RAP1A: variants seen among roughly 807,000 people sequenced by gnomAD.
The protein encoded by RAP1A is ras-related protein Rap-1A.
In RAP1A, 6 loss-of-function variants were observed where a neutral mutation model predicts 26.4. That is an observed-to-expected ratio of 0.23 (90% CI 0.12 to 0.45). The LOEUF (loss-of-function observed/expected upper bound fraction) is 0.45, where lower values mean the gene tolerates loss of function less well. RAP1A is among the 20% of genes least tolerant of loss of function. The pLI is 0.99. For missense variants in RAP1A, 121 were observed against 217.2 expected (o/e 0.56, Z 2.78); for synonymous variants, 73 against 79.4 (o/e 0.92, Z 0.43).
At chr1:111,680,937 GA>G (rs1485895352) in intron 1 of RAP1A, among the ~76,000 whole-genome samples, 2 of 152,192 alleles carry the variant, frequency 1.3e-5, no homozygotes, top group Non-Finnish European at 2.9e-5. Flanking sequence ...TGAAGATGAG[GA>G]AAAACCAGCA....
chr1:111,599,764 TTGGA>T (rs1658633831), intron 1 of RAP1A: 1 of 152,134 alleles, frequency 6.6e-6, no homozygotes, highest in African/African-American at 2.4e-5. Flanking sequence ...CTGACATGGT[TTGGA>T]TGTTTGTCCC....
chr1:111,551,029 G>T (rs568133826), intron 1 of RAP1A, among the ~76,000 whole-genome samples: 1 of 152,090 alleles, frequency 6.6e-6, no homozygotes, highest in East Asian at 1.9e-4. Context: ...TGACACATTT[G>T]TCTGGTTTTA....
At chr1:111,560,663 T>C (rs2101046879) in intron 1 of RAP1A, among the ~76,000 whole-genome samples, 1 of 152,048 alleles carries the variant, frequency 6.6e-6, no homozygotes, top group Non-Finnish European at 1.5e-5. Flanking sequence ...TAATTTTTTT[T>C]CCATTTGTTG....
intron 1 of RAP1A, among the ~76,000 whole-genome samples, chr1:111,606,216 T>C (rs1658773770): frequency 6.6e-6 from 1 of 152,190 alleles, no homozygotes; most frequent in Non-Finnish European, 1.5e-5. Context: ...ATTTAACTTT[T>C]ATAGTCCTGG....
rs397981230 is a variant in RAP1A at position 111,555,362 on chromosome 1, TAAAAAAAAAAAA to T, written c.-28+12871_-28+12882del. Among the ~76,000 whole-genome samples, 11 of 47,640 alleles carry T rather than the reference TAAAAAAAAAAAA, an allele frequency of 2.3e-4. 1 individual carries two copies. Among genetic ancestry groups the T allele is most frequent in the Admixed American group, 1.3e-3 (4 of 3,084 alleles). 31.3% of individuals were successfully genotyped at this position (47,640 alleles called of 152,430 possible). Reference sequence around the variant, plus strand: ...GCCTGGGTGACAGACTGAGACTCTGTAAAAAAAAAAAAAAAAAAAAAAAAAAAAATTACCAGA... The same window carrying T: ...GCCTGGGTGACAGACTGAGACTCTGTAAAAAAAAAAAAAAAAATTACCAGA... On this transcript the variant is annotated intron_variant, in intron 1 of 7. Coordinates refer to the RAP1A transcript ENST00000356415.
chr1:111,660,009 A>T (rs1660581507), intron 1 of RAP1A, among the ~76,000 whole-genome samples: 1 of 152,226 alleles, frequency 6.6e-6, no homozygotes, highest in Admixed American at 6.5e-5. Flanking sequence ...TTAGATCGAT[A>T]AAGGATAAGA....
At chr1:111,697,602 T>C in intron 4 of RAP1A, 105 bp downstream of exon 4, 3 of 1,540,450 alleles carry the variant, frequency 1.9e-6, no homozygotes, top group Non-Finnish European at 2.6e-6. Context: ...GTAATCATTC[T>C]GATTAAGAAG....
At chr1:111,689,615 T>A (rs1259416262) in intron 1 of RAP1A, among the ~76,000 whole-genome samples, 1 of 152,230 alleles carries the variant, frequency 6.6e-6, no homozygotes, top group Non-Finnish European at 1.5e-5. Flanking sequence ...CCTCATTGGC[T>A]AATTTCATCA....
chr1:111,585,924 G>C (rs1368575519), intron 1 of RAP1A, among the ~76,000 whole-genome samples: 1 of 152,136 alleles, frequency 6.6e-6, no homozygotes. Flanking sequence ...AGCCTCTCAT[G>C]CTTTGAAATA....
chr1:111,634,827 TAG>T (rs1355549116), intron 1 of RAP1A, among the ~76,000 whole-genome samples: 1 of 151,994 alleles, frequency 6.6e-6, no homozygotes, highest in Non-Finnish European at 1.5e-5. Flanking sequence ...GTATTTTTAG[TAG>T]AGACGGGGTT....
At chr1:111,570,138 C>A (rs749179623) in intron 1 of RAP1A, among the ~76,000 whole-genome samples, 1 of 152,110 alleles carries the variant, frequency 6.6e-6, no homozygotes, top group Non-Finnish European at 1.5e-5. Context: ...CAGCCAGCAC[C>A]CTGCTCTCAC....
chr1:111,630,361 G>A lies in RAP1A; in HGVS notation c.-28+10427G>A, dbSNP rs953383129. ...TCCCTACAGTAATAATAAACAGTTT[G>A]GTTAGTCGTCCAACATGTATTTATT... On this transcript the variant is annotated intron_variant, in intron 1 of 7. Coordinates refer to ENST00000369709, the MANE Select transcript of RAP1A (RefSeq NM_002884.4). Among the ~76,000 whole-genome samples, 11 of 152,040 alleles carry A rather than the reference G, an allele frequency of 7.2e-5. 1 individual carries two copies. Among genetic ancestry groups the A allele is most frequent in the Admixed American group, 5.2e-4 (8 of 15,258 alleles).
At chr1:111,651,988 T>C (rs1660288490) in intron 1 of RAP1A, among the ~76,000 whole-genome samples, 1 of 152,104 alleles carries the variant, frequency 6.6e-6, no homozygotes, top group African/African-American at 2.4e-5. Flanking sequence ...ATTTTTATTT[T>C]TTTGAGACGG....
intron 1 of RAP1A, among the ~76,000 whole-genome samples, chr1:111,653,142 A>G (rs1313480715): frequency 1.3e-5 from 2 of 152,252 alleles, no homozygotes; most frequent in Non-Finnish European, 1.5e-5. Flanking sequence ...GCTAAGCACA[A>G]AAGCCAGACA....
chr1:111,575,026 G>A (rs140271649), intron 1 of RAP1A, among the ~76,000 whole-genome samples: 15 of 152,322 alleles, frequency 9.8e-5, no homozygotes, highest in African/African-American at 3.4e-4. Context: ...TACAATGCAA[G>A]CCACATAGTA....
intron 1 of RAP1A, among the ~76,000 whole-genome samples, chr1:111,636,016 A>T (rs1175245376): frequency 6.6e-6 from 1 of 152,208 alleles, no homozygotes; most frequent in South Asian, 2.1e-4. Flanking sequence ...AGGTAGTTTC[A>T]TTGTTTATGT....
chr1:111,586,075 T>C (rs1455906734), intron 1 of RAP1A, among the ~76,000 whole-genome samples: 1 of 152,246 alleles, frequency 6.6e-6, no homozygotes, highest in Non-Finnish European at 1.5e-5. Flanking sequence ...TTGATTCTTG[T>C]TCTTTTCAGA....
intron 1 of RAP1A, among the ~76,000 whole-genome samples, chr1:111,598,158 T>C (rs1050261912): frequency 3.3e-5 from 5 of 152,252 alleles, no homozygotes; most frequent in Non-Finnish European, 7.3e-5. Context: ...TTCTTTCTGC[T>C]ATACCATACA....
At chr1:111,687,140 C>A (rs1661508783) in intron 1 of RAP1A, among the ~76,000 whole-genome samples, 1 of 151,530 alleles carries the variant, frequency 6.6e-6, no homozygotes, top group Non-Finnish European at 1.5e-5. Flanking sequence ...GTATTTGTCC[C>A]ATTTTTTTCT....
Sources: gnomAD v4.1 joint callset for allele counts (sites outside exome capture counted in the v4.1 genomes callset) on GRCh38, gnomAD v4.1.1 for gene constraint, MANE v1.5 for transcripts, NCBI Gene and HGNC (gene_info 2026-07-23, HGNC 2026-07-21) for gene names.